Variants in SPRED2 observed in about 807,000 individuals in gnomAD.
The protein encoded by SPRED2 is sprouty related EVH1 domain containing 2.
In SPRED2, 47 loss-of-function variants were observed where a neutral mutation model predicts 43.0. The ratio of observed to expected loss-of-function variants is 1.09; its 90% CI spans 0.87 to 1.40. The LOEUF is 1.40. SPRED2 is among the 40% of genes most tolerant of loss of function. The probability of loss-of-function intolerance (pLI) is 0.00; values close to 1 mark genes in which losing one functional copy is unlikely to be tolerated. For synonymous variants in SPRED2, 225 were observed against 225.7 expected (o/e 1.00, Z 0.03); for missense variants, 561 against 586.4 (o/e 0.96, Z 0.45).
intron 1 of SPRED2, among the ~76,000 whole-genome samples, chr2:65,431,239 C>A (rs1333687969): frequency 1.3e-5 from 2 of 151,702 alleles, no homozygotes; most frequent in Non-Finnish European, 2.9e-5. Flanking sequence ...ACGCGCGCCC[C>A]CAGCGCGATG....
At chr2:65,352,209 C>G (rs1160248221) in intron 1 of SPRED2, among the ~76,000 whole-genome samples, 1 of 152,252 alleles carries the variant, frequency 6.6e-6, no homozygotes, top group African/African-American at 2.4e-5. Context: ...GCCATCAGCT[C>G]TTCTCTCAAA....
intron 5 of SPRED2, among the ~76,000 whole-genome samples, chr2:65,316,127 C>T (rs962516682): frequency 1.3e-5 from 2 of 152,218 alleles, no homozygotes; most frequent in Non-Finnish European, 2.9e-5. Context: ...GCCACAGCAC[C>T]CCACACAGGC....
intron 1 of SPRED2, among the ~76,000 whole-genome samples, chr2:65,418,172 T>C (rs1676332766): frequency 6.6e-6 from 1 of 152,240 alleles, no homozygotes; most frequent in African/African-American, 2.4e-5. Flanking sequence ...CTAATCTGTT[T>C]GATTCTACCA....
Position 65,431,968 on chromosome 2 carries a change from G to C in SPRED2, c.20C>G (p.Pro7Arg). 1 of 1,613,964 alleles carries C rather than the reference G, an allele frequency of 6.2e-7. No homozygotes were observed. Among genetic ancestry groups the C allele is most frequent in the Non-Finnish European group, 8.5e-7 (1 of 1,179,978 alleles). The change falls in exon 1 of 6, where the codon CCA becomes CGA. Residue 7 changes from proline (P) to arginine (R), a missense_variant. This residue lies in a region of SPRED2 where 305 missense variants were observed against 282.4 expected (regional missense o/e 1.08). Transcript: ENST00000356388. MTEETH[P>R]DDDSYIVRVK... ...ACCCCGCGACCAAACTTACTCGTCT[G>C]GGTGTGTTTCTTCGGTCATTTTCTT...
At chr2:65,352,363 A>G (rs893036393) in intron 1 of SPRED2, among the ~76,000 whole-genome samples, 4 of 152,260 alleles carry the variant, frequency 2.6e-5, no homozygotes. Flanking sequence ...GCTTCTCCAC[A>G]GTTATTTAAC....
chr2:65,426,273 T>C (rs1676555358), intron 1 of SPRED2, among the ~76,000 whole-genome samples: 1 of 152,198 alleles, frequency 6.6e-6, no homozygotes, highest in South Asian at 2.1e-4. Context: ...AATGTGAACA[T>C]GGTTGAGTTT....
intron 1 of SPRED2, among the ~76,000 whole-genome samples, chr2:65,414,982 GAC>G (rs1414012408): frequency 6.6e-6 from 1 of 152,074 alleles, no homozygotes; most frequent in East Asian, 1.9e-4. Flanking sequence ...TGTTTTGGTA[GAC>G]ACAGAGTCTT....
intron 2 of SPRED2, 170 bp downstream of exon 2, chr2:65,344,543 GACAGTC>G: frequency 1.3e-6 from 1 of 787,616 alleles, no homozygotes; most frequent in Non-Finnish European, 2.2e-6. Context: ...TGCTGGAAAG[GACAGTC>G]ACGTTTTACA....
At position 65,313,247 on chromosome 2, in the gene SPRED2, G is replaced by A. The variant is rs1001391252; in HGVS notation, c.*254C>T. 2 of 1,281,308 alleles carry A rather than the reference G, an allele frequency of 1.6e-6. No individual in the cohort carries two copies. The highest frequency in any genetic ancestry group is 2.0e-6 in the Non-Finnish European group (2 of 1,015,372). The allele number at this position is 1,281,308 out of a possible 1,614,324, so 79.4% of individuals were successfully genotyped here. A position where few individuals can be genotyped will look rare whatever the true frequency, so the allele number is the denominator to read the frequency against. ...TGTTAATAGTACAGGAGTCTGTGGC[G>A]AAGGTTCCTTCCTCAGAACACTGTG... On this transcript the variant is annotated 3_prime_UTR_variant, in exon 6 of 6. Coordinates refer to ENST00000356388, the MANE Select transcript of SPRED2 (RefSeq NM_181784.3).
intron 4 of SPRED2, among the ~76,000 whole-genome samples, chr2:65,326,538 G>C (rs1261530889): frequency 6.6e-6 from 1 of 152,188 alleles, no homozygotes; most frequent in South Asian, 2.1e-4. Flanking sequence ...CAGGCAGTTT[G>C]AGGCAGCTGC....
At chr2:65,339,414 C>G (rs911564753) in intron 2 of SPRED2, among the ~76,000 whole-genome samples, 26 of 151,508 alleles carry the variant, frequency 1.7e-4, no homozygotes, top group Non-Finnish European at 3.4e-4. Flanking sequence ...TCCTGTTGAT[C>G]TATGACCTTA....
intron 2 of SPRED2, among the ~76,000 whole-genome samples, chr2:65,342,938 T>A (rs547349980): frequency 6.6e-6 from 1 of 152,168 alleles, no homozygotes; most frequent in South Asian, 2.1e-4. Flanking sequence ...CAAAGTGAGA[T>A]CCTGCCTTTT....
At chr2:65,326,374 G>A (rs1392832620) in intron 4 of SPRED2, among the ~76,000 whole-genome samples, 1 of 152,182 alleles carries the variant, frequency 6.6e-6, no homozygotes, top group South Asian at 2.1e-4. Context: ...TTGGCAAACA[G>A]GAAGTCGTCT....
At chr2:65,336,421 T>TA (rs1212552929) in intron 2 of SPRED2, among the ~76,000 whole-genome samples, 1 of 138,246 alleles carries the variant, frequency 7.2e-6, no homozygotes, top group Non-Finnish European at 1.6e-5. Context: ...CCTAACTTAA[T>TA]AAAAAAATGA....
chr2:65,396,055 G>A (rs964505), intron 1 of SPRED2, among the ~76,000 whole-genome samples: 40,966 of 152,016 alleles, frequency 0.27, 6,899 homozygotes, highest in East Asian at 0.69. Flanking sequence ...GAGCCTTCTC[G>A]GGCAAGTTAT....
At chr2:65,343,716 TCATAGATTCCTTCATAA>T (rs1473003127) in intron 2 of SPRED2, among the ~76,000 whole-genome samples, 1 of 152,210 alleles carries the variant, frequency 6.6e-6, no homozygotes, top group Non-Finnish European at 1.5e-5. Flanking sequence ...TTCCTTCCTA[TCATAGATTCCTTCATAA>T]CATAGAACTG....
At chr2:65,367,402 T>C (rs1027645937) in intron 1 of SPRED2, among the ~76,000 whole-genome samples, 1 of 152,236 alleles carries the variant, frequency 6.6e-6, no homozygotes, top group Non-Finnish European at 1.5e-5. Flanking sequence ...AGTGCGTATA[T>C]GCAGGCTGAC....
chr2:65,380,041 C>T (rs1352290001), intron 1 of SPRED2, among the ~76,000 whole-genome samples: 3 of 152,172 alleles, frequency 2.0e-5, no homozygotes, highest in Admixed American at 6.5e-5. Flanking sequence ...ACTCTAAAGT[C>T]CTTGCTGAGG....
chr2:65,381,877 C>T (rs1316778716), intron 1 of SPRED2, among the ~76,000 whole-genome samples: 3 of 152,226 alleles, frequency 2.0e-5, no homozygotes, highest in Non-Finnish European at 2.9e-5. Flanking sequence ...GTGGAATTCC[C>T]CCCACCACAC....
Sources: gnomAD v4.1 joint callset for allele counts (sites outside exome capture counted in the v4.1 genomes callset) on GRCh38, gnomAD v4.1.1 for gene constraint, gnomAD v4.1.1 regional missense constraint, MANE v1.5 for transcripts, NCBI Gene and HGNC (gene_info 2026-07-23, HGNC 2026-07-21) for gene names.